IL1RAPL1: variants seen among roughly 807,000 people sequenced by gnomAD.
The protein encoded by IL1RAPL1 is interleukin-1 receptor accessory protein-like 1.
A neutral mutation model predicts 48.4 loss-of-function variants in IL1RAPL1; 3 were observed. The observed-to-expected ratio is 0.06, with a 90% CI of 0.03 to 0.16. The LOEUF is 0.16. Among genes scored for constraint, IL1RAPL1 ranks in the 10% least tolerant of loss-of-function variants. The pLI, the probability that IL1RAPL1 is intolerant of heterozygous loss-of-function variation, is 1.00. For synonymous variants in IL1RAPL1, 185 were observed against 187.7 expected, an observed-to-expected ratio of 0.99 and a Z score of 0.12; for missense variants, 349 against 530.6, an observed-to-expected ratio of 0.66 and a Z score of 3.36.
chrX:29,535,171 C>T (rs1243079296), intron 5 of IL1RAPL1, among the ~76,000 whole-genome samples: 1 of 103,654 alleles, frequency 9.6e-6, no homozygotes, highest in Non-Finnish European at 1.9e-5. Flanking sequence ...AATTAACTCC[C>T]TTTATTCCTA....
intron 5 of IL1RAPL1, among the ~76,000 whole-genome samples, chrX:29,456,631 C>T (rs771537728): frequency 1.8e-4 from 20 of 110,670 alleles, no homozygotes; most frequent in Admixed American, 7.8e-4. Context: ...TTCTCATGGT[C>T]GCCAGATTGA....
At chrX:28,634,074 A>G (rs1259871921) in intron 1 of IL1RAPL1, among the ~76,000 whole-genome samples, 2 of 110,065 alleles carry the variant, frequency 1.8e-5, no homozygotes, top group East Asian at 5.7e-4. Context: ...GGTGCTATCT[A>G]TCTGGGCTCA....
intron 3 of IL1RAPL1, among the ~76,000 whole-genome samples, chrX:29,356,701 G>A (rs911965520): frequency 9.0e-6 from 1 of 110,562 alleles, no homozygotes. Flanking sequence ...ACATCTATAC[G>A]ACCGCAAATA....
intron 2 of IL1RAPL1, among the ~76,000 whole-genome samples, chrX:29,208,872 A>G (rs1295898591): frequency 1.8e-5 from 2 of 110,740 alleles, no homozygotes; most frequent in Non-Finnish European, 3.8e-5. Context: ...AGTAGACATC[A>G]CACAGTATAC....
intron 6 of IL1RAPL1, among the ~76,000 whole-genome samples, chrX:29,803,215 A>G (rs1170149711): frequency 2.7e-5 from 1 of 37,033 alleles, no homozygotes; most frequent in Non-Finnish European, 5.2e-5. Context: ...ACATGTATAT[A>G]TGTATACATA....
intron 2 of IL1RAPL1, among the ~76,000 whole-genome samples, chrX:28,913,063 A>G (rs1228401612): frequency 6.3e-5 from 7 of 111,801 alleles, no homozygotes; most frequent in Non-Finnish European, 1.3e-4. Flanking sequence ...ACAAGATGCC[A>G]TTCTGTAATG....
At chrX:29,020,079 G>A (rs1265316010) in intron 2 of IL1RAPL1, among the ~76,000 whole-genome samples, 2 of 112,528 alleles carry the variant, frequency 1.8e-5, no homozygotes, top group East Asian at 5.6e-4. Context: ...AAGAACGAAC[G>A]AATGAATAAC....
At chrX:29,154,260 C>G (rs1414848386) in intron 2 of IL1RAPL1, among the ~76,000 whole-genome samples, 4 of 111,566 alleles carry the variant, frequency 3.6e-5, no homozygotes, top group Non-Finnish European at 7.5e-5. Flanking sequence ...ATTTTGTGGG[C>G]CAGGTGCGGT....
chrX:29,124,670 G>A (rs948727549), intron 2 of IL1RAPL1, among the ~76,000 whole-genome samples: 1 of 111,922 alleles, frequency 8.9e-6, no homozygotes, highest in Non-Finnish European at 1.9e-5. Flanking sequence ...GAGACTGGAA[G>A]GTCAATGTAA....
intron 3 of IL1RAPL1, among the ~76,000 whole-genome samples, chrX:29,294,796 G>A (rs1932425520): frequency 9.0e-6 from 1 of 111,321 alleles, no homozygotes; most frequent in South Asian, 3.8e-4. Flanking sequence ...TATTAACAAA[G>A]AAAAAGCTAC....
chrX:28,787,233 G>T (rs974686557), intron 1 of IL1RAPL1, among the ~76,000 whole-genome samples: 13 of 112,196 alleles, frequency 1.2e-4, no homozygotes, highest in Non-Finnish European at 2.4e-4. Context: ...TAGTTGAGCT[G>T]AAAGGTCTTG....
Position 28,819,975 on chromosome X carries a change from T to G in IL1RAPL1, c.82+30550T>G, listed in dbSNP as rs1218756799. On this transcript the variant is annotated intron_variant, in intron 2 of 10. Transcript: ENST00000378993. ...TACTGCATAAACATAGTGATATATA[T>G]ATATATATATATATATATATATATA... Among the ~76,000 whole-genome samples, 86 of 49,974 alleles carry G rather than the reference T, an allele frequency of 1.7e-3. 1 individual carries two copies. The highest frequency in any genetic ancestry group is 0.012 in the African/African-American group (75 of 6,497). 43.4% of individuals were successfully genotyped at this position (49,974 alleles called of 115,157 possible). A position where few individuals can be genotyped will look rare whatever the true frequency, so the allele number is the denominator to read the frequency against.
chrX:29,519,982 C>T (rs910812476), intron 5 of IL1RAPL1, among the ~76,000 whole-genome samples: 3 of 111,907 alleles, frequency 2.7e-5, no homozygotes, highest in African/African-American at 9.7e-5. Context: ...TTGTCTGAAC[C>T]TAAGTCCATG....
intron 3 of IL1RAPL1, among the ~76,000 whole-genome samples, chrX:29,312,973 G>A (rs1288086447): frequency 9.0e-6 from 1 of 111,605 alleles, no homozygotes; most frequent in Non-Finnish European, 1.9e-5. Flanking sequence ...CCAGCCAGGT[G>A]GAACTGTGAG....
intron 5 of IL1RAPL1, among the ~76,000 whole-genome samples, chrX:29,636,208 G>A (rs891942571): frequency 3.6e-5 from 4 of 111,589 alleles, no homozygotes; most frequent in African/African-American, 6.5e-5. Flanking sequence ...GATATCAAAC[G>A]CAATAAAATA....
rs1208199471 is a variant in IL1RAPL1, at chrX:28,779,632, G to GTATA, written c.-24-9687_-24-9686insATAT. Among the ~76,000 whole-genome samples, 224 of 54,611 alleles carry GTATA rather than the reference G, an allele frequency of 4.1e-3. 5 individuals carry two copies. Among genetic ancestry groups the GTATA allele is most frequent in the African/African-American group, 0.017 (180 of 10,800 alleles). 47.4% of individuals were successfully genotyped at this position (54,611 alleles called of 115,157 possible). ...GTGATACTATTATGTGTGTGTGTGTGTGTATATATATATATATATATATAT... is the reference window on the plus strand; with the variant it reads ...GTGATACTATTATGTGTGTGTGTGTGTATATGTATATATATATATATATATATAT... On this transcript the variant is annotated intron_variant, in intron 1 of 10. Transcript: ENST00000378993.
At chrX:29,908,684 TATATC>T (rs1337291108) in intron 6 of IL1RAPL1, among the ~76,000 whole-genome samples, 1 of 112,070 alleles carries the variant, frequency 8.9e-6, no homozygotes, top group Non-Finnish European at 1.9e-5. Flanking sequence ...AAAAGAATGT[TATATC>T]AAAAGGACAA....
intron 2 of IL1RAPL1, among the ~76,000 whole-genome samples, chrX:29,183,267 C>T: frequency 9.0e-6 from 1 of 111,422 alleles, no homozygotes; most frequent in Non-Finnish European, 1.9e-5. Context: ...TTCTCCATCC[C>T]TGCAGATGCT....
At chrX:29,641,829 G>GA (rs1479017706) in intron 5 of IL1RAPL1, among the ~76,000 whole-genome samples, 6 of 112,117 alleles carry the variant, frequency 5.4e-5, no homozygotes, top group African/African-American at 1.3e-4. Flanking sequence ...CTCTTCAGTG[G>GA]AAAAATCTTT....
Sources: gnomAD v4.1 joint callset for allele counts (sites outside exome capture counted in the v4.1 genomes callset) on GRCh38, gnomAD v4.1.1 for gene constraint, MANE v1.5 for transcripts, NCBI Gene and HGNC (gene_info 2026-07-23, HGNC 2026-07-21) for gene names.